PLS1: variants seen among roughly 807,000 people sequenced by gnomAD.
The protein encoded by PLS1 is plastin 1.
A neutral mutation model predicts 73.7 loss-of-function variants in PLS1; 32 were observed. The observed-to-expected ratio is 0.43, with a 90% CI of 0.33 to 0.58. The LOEUF is 0.58. PLS1 is among the 20% of genes least tolerant of loss of function. PLS1 has a pLI of 0.04. For missense variants in PLS1, 633 were observed against 740.5 expected, an observed-to-expected ratio of 0.85 and a Z score of 1.68; for synonymous variants, 217 against 261.3, an observed-to-expected ratio of 0.83 and a Z score of 1.63.
intron 4 of PLS1, among the ~76,000 whole-genome samples, chr3:142,675,620 C>T (rs541558347): frequency 2.7e-5 from 4 of 150,860 alleles, no homozygotes; most frequent in Non-Finnish European, 4.4e-5. Context: ...CTCTTGACCT[C>T]GTGATCTGCC....
At chr3:142,654,122 A>G (rs1461553853) in intron 1 of PLS1, among the ~76,000 whole-genome samples, 1 of 152,100 alleles carries the variant, frequency 6.6e-6, no homozygotes, top group African/African-American at 2.4e-5. Context: ...ATGGGAATAT[A>G]ATGACCGTGG....
rs958978164 is a variant in PLS1, at chr3:142,711,577, T to A, written c.1706T>A (p.Met569Lys). Reference protein sequence around the residue: ...AIAPNAVRQEMIRRENLSDED... With the variant: ...AIAPNAVRQEKIRRENLSDED... ...GCACCAAATGCAGTTCGTCAAGAAA[T>A]GATCAGGAGAGAAAACTTATCTGAT... The change falls in exon 15 of 16, where the codon ATG becomes AAG. Residue 569 changes from methionine to lysine, a missense_variant. Transcript: ENST00000457734. 7 of 1,608,256 alleles carry A rather than the reference T, an allele frequency of 4.4e-6. No homozygotes were observed. The highest frequency in any genetic ancestry group is 6.0e-6 in the Non-Finnish European group (7 of 1,175,708).
chr3:142,656,554 T>C (rs1315003557), intron 1 of PLS1: 1 of 152,250 alleles, frequency 6.6e-6, no homozygotes, highest in African/African-American at 2.4e-5. Flanking sequence ...ATATGAATAC[T>C]TACTTTTTCC....
Position 142,676,142 on chromosome 3 carries a change from G to T in PLS1, c.365-15G>T, listed in dbSNP as rs375438197. ...TGTGAAATGAGATTTGCCTACCAAGGTTTTCTCCTTTCAGAGGAAGAAAAA... is the reference window on the plus strand; with the variant it reads ...TGTGAAATGAGATTTGCCTACCAAGTTTTTCTCCTTTCAGAGGAAGAAAAA... On this transcript the variant is annotated splice_polypyrimidine_tract_variant and intron_variant, in intron 4 of 15. Transcript: ENST00000457734. 6 of 1,606,382 alleles carry T rather than the reference G, an allele frequency of 3.7e-6. No homozygotes were observed. The African/African-American group carries it at 5.4e-5, about 14-fold the overall frequency.
chr3:142,700,036 C>T (rs2038294228), intron 12 of PLS1, among the ~76,000 whole-genome samples: 1 of 152,108 alleles, frequency 6.6e-6, no homozygotes, highest in South Asian at 2.1e-4. Context: ...ATTAACCATT[C>T]ATTATACCTG....
chr3:142,709,360 T>G (rs1933002600), intron 14 of PLS1, among the ~76,000 whole-genome samples: 1 of 152,064 alleles, frequency 6.6e-6, no homozygotes, highest in South Asian at 2.1e-4. Context: ...TCAGATAGAC[T>G]TAAAGGACCT....
chr3:142,635,590 G>T (rs1443479994), intron 1 of PLS1, among the ~76,000 whole-genome samples: 1 of 152,140 alleles, frequency 6.6e-6, no homozygotes, highest in Non-Finnish European at 1.5e-5. Context: ...GTGAGTGACA[G>T]AGTGAGACTT....
chr3:142,654,987 C>G (rs925845981), intron 1 of PLS1: 1 of 152,048 alleles, frequency 6.6e-6, no homozygotes, highest in Admixed American at 6.6e-5. Flanking sequence ...ATGAATTTTA[C>G]TAACCTTTCC....
At chr3:142,615,336 A>C (rs1176786611) in intron 1 of PLS1, among the ~76,000 whole-genome samples, 3 of 152,064 alleles carry the variant, frequency 2.0e-5, no homozygotes, top group Admixed American at 6.5e-5. Flanking sequence ...AGATGATATC[A>C]TCTGGCTTCA....
intron 12 of PLS1, among the ~76,000 whole-genome samples, chr3:142,701,801 A>G (rs1417724616): frequency 2.0e-5 from 3 of 152,164 alleles, no homozygotes; most frequent in Non-Finnish European, 4.4e-5. Context: ...CATTTTACAC[A>G]TGTGATTACT....
At chr3:142,641,389 A>T (rs2036837122) in intron 1 of PLS1, among the ~76,000 whole-genome samples, 1 of 149,648 alleles carries the variant, frequency 6.7e-6, no homozygotes, top group Admixed American at 6.7e-5. Context: ...TCATAATCTC[A>T]CCACCCTCAT....
chr3:142,620,792 G>C (rs865817203), intron 1 of PLS1, among the ~76,000 whole-genome samples: 1 of 152,164 alleles, frequency 6.6e-6, no homozygotes, highest in Non-Finnish European at 1.5e-5. Context: ...GCCAAGGCGG[G>C]CAGATCACTT....
intron 6 of PLS1, 83 bp from the exon 7 acceptor site, chr3:142,683,923 T>C: frequency 1.1e-6 from 1 of 932,016 alleles, no homozygotes. Context: ...AATTTGGCAG[T>C]CCATTGTTTC....
intron 1 of PLS1, among the ~76,000 whole-genome samples, chr3:142,603,187 A>G (rs1162476912): frequency 6.6e-6 from 1 of 152,130 alleles, no homozygotes; most frequent in Non-Finnish European, 1.5e-5. Flanking sequence ...TGATCATCTG[A>G]TTTCTTTTTA....
At position 142,614,334 on chromosome 3, in the gene PLS1, T is replaced by A. The variant is rs112444063; in HGVS notation, c.-37+17825T>A. Among the ~76,000 whole-genome samples, 131 of 152,284 alleles carry A rather than the reference T, an allele frequency of 8.6e-4. 1 individual carries two copies. The highest frequency in any genetic ancestry group is 7.8e-4 in the Admixed American group (12 of 15,296). On this transcript the variant is annotated intron_variant, in intron 1 of 15. Coordinates refer to ENST00000457734, the MANE Select transcript of PLS1 (RefSeq NM_001145319.2). ...CACTTAACTACCAAGGATAGAAGGATGTGTAGAAGGGGGTGGTCATTCAGG... is the reference window on the plus strand; with the variant it reads ...CACTTAACTACCAAGGATAGAAGGAAGTGTAGAAGGGGGTGGTCATTCAGG...
chr3:142,711,562 C>T lies in PLS1; in HGVS notation c.1691C>T (p.Ala564Val). 1 of 1,603,948 alleles carries T rather than the reference C, an allele frequency of 6.2e-7. No individual in the cohort carries two copies. Among genetic ancestry groups the T allele is most frequent in the Non-Finnish European group, 8.5e-7 (1 of 1,171,518 alleles). Residue 564 changes from alanine to valine, a missense_variant, in exon 15 of 16, where the codon GCA becomes GTA. Coordinates refer to ENST00000457734, the MANE Select transcript of PLS1 (RefSeq NM_001145319.2). ...TTAATAGATGCCATTGCACCAAATG[C>T]AGTTCGTCAAGAAATGATCAGGAGA... ...LDLIDAIAPNAVRQEMIRREN... is the reference protein window; with the variant it reads ...LDLIDAIAPNVVRQEMIRREN...
intron 1 of PLS1, among the ~76,000 whole-genome samples, chr3:142,613,481 G>GA (rs59612553): frequency 2.7e-5 from 4 of 147,968 alleles, no homozygotes; most frequent in African/African-American, 7.5e-5. Context: ...TGTCTCAAAA[G>GA]AAAAAAAAAG....
At chr3:142,658,694 T>A (rs2037297090) in intron 1 of PLS1, among the ~76,000 whole-genome samples, 1 of 152,218 alleles carries the variant, frequency 6.6e-6, no homozygotes, top group Non-Finnish European at 1.5e-5. Context: ...CTTCAGCAGT[T>A]TGCTTTTTTC....
chr3:142,688,437 G>A (rs563535952), intron 9 of PLS1, among the ~76,000 whole-genome samples: 3 of 152,072 alleles, frequency 2.0e-5, no homozygotes, highest in Non-Finnish European at 4.4e-5. Context: ...TTATTTTTGT[G>A]TGTGGTTGTT....
Sources: gnomAD v4.1 joint callset for allele counts (sites outside exome capture counted in the v4.1 genomes callset) on GRCh38, gnomAD v4.1.1 for gene constraint, MANE v1.5 for transcripts, NCBI Gene and HGNC (gene_info 2026-07-23, HGNC 2026-07-21) for gene names.